The following RALYL variants were observed in gnomAD, a reference collection of about 807,000 sequenced individuals.
RALYL encodes the protein RALY RNA binding protein like, also known as RNA-binding Raly-like protein.
In RALYL, 29 loss-of-function variants were observed where a neutral mutation model predicts 35.1. That is an observed-to-expected ratio of 0.83 (90% CI 0.61 to 1.13). The LOEUF is 1.13. Ranked by LOEUF, RALYL falls within the 50% of genes most tolerant of loss-of-function variation. The pLI is 0.00. For missense variants in RALYL, 359 were observed against 360.4 expected, an observed-to-expected ratio of 1.00 and a Z score of 0.03; for synonymous variants, 120 against 127.6, an observed-to-expected ratio of 0.94 and a Z score of 0.40.
intron 3 of RALYL, among the ~76,000 whole-genome samples, chr8:84,779,297 A>G (rs1437773561): frequency 6.6e-6 from 1 of 152,222 alleles, no homozygotes; most frequent in Admixed American, 6.5e-5. Context: ...TTTTACTTCT[A>G]TTTGTAAAGT....
intron 1 of RALYL, among the ~76,000 whole-genome samples, chr8:84,337,681 T>G (rs1276975217): frequency 6.6e-6 from 1 of 152,142 alleles, no homozygotes; most frequent in Non-Finnish European, 1.5e-5. Context: ...GCAGTCATTT[T>G]TGATGTGGAA....
At chr8:84,715,162 G>A (rs565023809) in intron 2 of RALYL, among the ~76,000 whole-genome samples, 7 of 151,874 alleles carry the variant, frequency 4.6e-5, no homozygotes, top group African/African-American at 1.7e-4. Flanking sequence ...GGAAAATTGA[G>A]TAGTTCTAAA....
chr8:84,285,366 A>G (rs1029121719), intron 1 of RALYL, among the ~76,000 whole-genome samples: 14 of 152,366 alleles, frequency 9.2e-5, no homozygotes, highest in African/African-American at 3.4e-4. Context: ...AAGTAAAAAT[A>G]AGTAATATAT....
intron 2 of RALYL, among the ~76,000 whole-genome samples, chr8:84,671,085 C>T (rs770957030): frequency 1.3e-5 from 2 of 152,086 alleles, no homozygotes; most frequent in Non-Finnish European, 2.9e-5. Context: ...AGAAACTGGC[C>T]AAAACGAAGG....
chr8:84,581,472 A>G (rs896516801), intron 2 of RALYL, among the ~76,000 whole-genome samples: 1 of 152,138 alleles, frequency 6.6e-6, no homozygotes, highest in African/African-American at 2.4e-5. Flanking sequence ...CTTATTACAC[A>G]CATAATATAG....
intron 8 of RALYL, among the ~76,000 whole-genome samples, chr8:84,900,807 A>C (rs1845557635): frequency 6.6e-6 from 1 of 152,232 alleles, no homozygotes. Flanking sequence ...CATAGCAAAA[A>C]TAGCAATGGA....
At chr8:84,786,924 A>G (rs1819622880) in intron 3 of RALYL, among the ~76,000 whole-genome samples, 1 of 152,226 alleles carries the variant, frequency 6.6e-6, no homozygotes, top group African/African-American at 2.4e-5. Flanking sequence ...TACTTAACAA[A>G]TAAAATATAT....
At chr8:84,319,838 T>C (rs1191081769) in intron 1 of RALYL, among the ~76,000 whole-genome samples, 1 of 150,100 alleles carries the variant, frequency 6.7e-6, no homozygotes, top group African/African-American at 2.4e-5. Context: ...AAGATGTATC[T>C]TCTGAACTGT....
intron 1 of RALYL, among the ~76,000 whole-genome samples, chr8:84,482,655 A>G (rs2054170804): frequency 6.6e-6 from 1 of 152,034 alleles, no homozygotes; most frequent in Non-Finnish European, 1.5e-5. Context: ...CCCAAAATAT[A>G]TGTTTTTCAG....
rs554428177 is a variant in RALYL at position 84,325,953 on chromosome 8, A to G, written c.-24+141529A>G. Among the ~76,000 whole-genome samples the G allele has an allele frequency of 2.0e-5, 3 of 152,194 alleles. No individual in the cohort carries two copies. In the East Asian group the frequency reaches 5.8e-4, roughly 29 times the overall value. ...GAGACCAGCCCCGTCTCTACCAGAA[A>G]TATAAAAACTTAGCTGGGTGTGGTG... On this transcript the variant is annotated intron_variant, in intron 1 of 8. Transcript: ENST00000521268.
chr8:84,275,474 AATAT>A (rs112699780), intron 1 of RALYL, among the ~76,000 whole-genome samples: 4 of 147,116 alleles, frequency 2.7e-5, no homozygotes, highest in Admixed American at 2.0e-4. Context: ...GATGTTTTGA[AATAT>A]ATATATATAT....
chr8:84,813,971 T>C (rs868756276), intron 4 of RALYL, among the ~76,000 whole-genome samples: 1 of 146,890 alleles, frequency 6.8e-6, no homozygotes, highest in Non-Finnish European at 1.5e-5. Context: ...CATTGTTCAA[T>C]TCCCACCTAT....
chr8:84,639,888 T>C (rs1246069467), intron 2 of RALYL, among the ~76,000 whole-genome samples: 1 of 152,002 alleles, frequency 6.6e-6, no homozygotes, highest in Non-Finnish European at 1.5e-5. Flanking sequence ...AATAAGGTCA[T>C]AAAGTGGACT....
At chr8:84,628,020 G>C (rs972356823) in intron 2 of RALYL, among the ~76,000 whole-genome samples, 3 of 151,818 alleles carry the variant, frequency 2.0e-5, no homozygotes, top group Non-Finnish European at 4.4e-5. Context: ...CTATTCTCTG[G>C]AATCTCAAAG....
At chr8:84,690,171 T>G (rs1184494814) in intron 2 of RALYL, among the ~76,000 whole-genome samples, 1 of 152,140 alleles carries the variant, frequency 6.6e-6, no homozygotes. Flanking sequence ...GTGGCACATA[T>G]AAATACAGTG....
intron 1 of RALYL, among the ~76,000 whole-genome samples, chr8:84,319,027 A>C (rs115629746): frequency 0.02 from 3,068 of 152,224 alleles, 107 homozygotes; most frequent in African/African-American, 0.07. Flanking sequence ...TAAGTATTTA[A>C]CATACTTTTT....
At chr8:84,494,986 G>A (rs1252010222) in intron 1 of RALYL, among the ~76,000 whole-genome samples, 1 of 152,092 alleles carries the variant, frequency 6.6e-6, no homozygotes. Flanking sequence ...GGTTTTCAAA[G>A]GGAATGCTTT....
intron 1 of RALYL, among the ~76,000 whole-genome samples, chr8:84,526,989 TG>T (rs1167769810): frequency 6.6e-6 from 1 of 152,166 alleles, no homozygotes; most frequent in African/African-American, 2.4e-5. Flanking sequence ...TGGCTGAAAG[TG>T]GAAGTCTTTC....
chr8:84,550,738 T>A (rs1455537000), intron 2 of RALYL, among the ~76,000 whole-genome samples: 1 of 151,886 alleles, frequency 6.6e-6, no homozygotes, highest in Non-Finnish European at 1.5e-5. Context: ...ATAAATACTA[T>A]TATTCTGACA....
Sources: allele counts gnomAD v4.1 joint callset (sites outside exome capture counted in the v4.1 genomes callset), GRCh38; gene constraint gnomAD v4.1.1; transcripts MANE v1.5; gene names NCBI Gene and HGNC (gene_info 2026-07-23, HGNC 2026-07-21).